ESR1: variants seen among roughly 807,000 people sequenced by gnomAD.
ESR1 encodes estrogen receptor.
Under a neutral mutation model 52.7 loss-of-function variants are expected in ESR1, and 12 were observed. The observed-to-expected ratio is 0.23, with a 90% CI of 0.15 to 0.37. ESR1 has a LOEUF of 0.37. Ranked by LOEUF, ESR1 falls within the 10% of genes least tolerant of loss-of-function variation. The pLI is 1.00. For missense variants in ESR1, 584 were observed against 779.7 expected (o/e 0.75, Z 2.99); for synonymous variants, 305 against 316.8 (o/e 0.96, Z 0.39).
intron 6 of ESR1, among the ~76,000 whole-genome samples, chr6:152,091,890 A>G (rs1182735606): frequency 1.3e-5 from 2 of 152,182 alleles, no homozygotes; most frequent in Non-Finnish European, 2.9e-5. Context: ...GGGAACAAAA[A>G]AGGAAATTGG....
intron 5 of ESR1, among the ~76,000 whole-genome samples, chr6:152,027,671 G>C (rs895582852): frequency 1.9e-4 from 29 of 152,126 alleles, no homozygotes; most frequent in African/African-American, 6.8e-4. Flanking sequence ...TCCCTCATTA[G>C]TGATTTGGAC....
rs148860050 is a variant in ESR1, at chr6:152,115,901, C to T, written c.851-9365C>T. ...CCCAATCGTCTGCACCTGGGAATCG[C>T]CTGGGGACCTTCAAGTAACTACTGA... On this transcript the variant is annotated intron_variant, in intron 6 of 6. Coordinates refer to the ESR1 transcript ENST00000427531. 3.9e-4 allele frequency among the ~76,000 whole-genome samples: 59 copies of T among 152,274 alleles called. No homozygotes were observed. The East Asian group carries it at 0.011, about 28-fold the overall frequency.
rs118093321 is a variant in ESR1 at position 151,886,066 on chromosome 6, A to G, written c.760+5295A>G. Among the ~76,000 whole-genome samples, 54 of 152,198 alleles carry G rather than the reference A, an allele frequency of 3.5e-4. No homozygotes were observed. The East Asian group carries it at 7.5e-3, about 21-fold the overall frequency. ...GGGTTTTTTTTTTCAGCTGAAAGAA[A>G]GAGAATGGCAATTTCATCACTTCTA... On this transcript the variant is annotated intron_variant, in intron 3 of 7. Transcript: ENST00000206249.
intron 2 of ESR1, among the ~76,000 whole-genome samples, chr6:151,722,954 A>G (rs1781565836): frequency 6.6e-6 from 1 of 152,198 alleles, no homozygotes; most frequent in Non-Finnish European, 1.5e-5. Flanking sequence ...ATGTATATAA[A>G]AGCAGGATAT....
intron 6 of ESR1, among the ~76,000 whole-genome samples, chr6:152,081,544 C>A (rs1284975757): frequency 6.6e-6 from 1 of 150,850 alleles, no homozygotes; most frequent in Non-Finnish European, 1.5e-5. Flanking sequence ...AAATCGACAC[C>A]CTAACATCAC....
At chr6:152,066,938 T>C (rs1244664512) in intron 6 of ESR1, among the ~76,000 whole-genome samples, 1 of 152,228 alleles carries the variant, frequency 6.6e-6, no homozygotes, top group African/African-American at 2.4e-5. Context: ...AATGACCAGT[T>C]AGTAAAGCAT....
chr6:151,664,836 A>T (rs138608916), intron 1 of ESR1, among the ~76,000 whole-genome samples: 277 of 152,330 alleles, frequency 1.8e-3, no homozygotes, highest in African/African-American at 6.4e-3. Flanking sequence ...AAGCACCTCT[A>T]AAAGAACTTG....
At chr6:151,778,942 GTT>G (rs35801479) in intron 2 of ESR1, among the ~76,000 whole-genome samples, 3 of 150,570 alleles carry the variant, frequency 2.0e-5, no homozygotes, top group African/African-American at 4.9e-5. Flanking sequence ...AAGAAAGCCT[GTT>G]TTTTTTTTCT....
intron 2 of ESR1, among the ~76,000 whole-genome samples, chr6:151,720,947 A>G (rs2128018042): frequency 6.6e-6 from 1 of 152,354 alleles, no homozygotes; most frequent in Non-Finnish European, 1.5e-5. Flanking sequence ...GTCAGACACT[A>G]TGGTAGGTGC....
At chr6:151,946,897 A>G (rs1278156778) in intron 4 of ESR1, among the ~76,000 whole-genome samples, 1 of 152,246 alleles carries the variant, frequency 6.6e-6, no homozygotes, top group East Asian at 1.9e-4. Context: ...AAAAGGATTT[A>G]TATCTTTTAT....
At position 152,102,301 on chromosome 6, in the gene ESR1, T is replaced by C; in HGVS notation, c.*3335T>C. ...CACTGGCTTAGAGTACTCCTTCCCCTGCATGACACTGATTACAAATACTTT... is the reference window on the plus strand; with the variant it reads ...CACTGGCTTAGAGTACTCCTTCCCCCGCATGACACTGATTACAAATACTTT... On this transcript the variant is annotated 3_prime_UTR_variant, in exon 8 of 8. Transcript: ENST00000206249. The C allele has an allele frequency of 9.7e-6, 2 of 206,752 alleles. No homozygotes were observed. The highest frequency in any genetic ancestry group is 2.0e-5 in the Non-Finnish European group (2 of 101,006). The allele number at this position is 206,752 out of a possible 1,614,324, so 12.8% of individuals were successfully genotyped here.
intron 2 of ESR1, among the ~76,000 whole-genome samples, chr6:151,731,097 G>A (rs1440698068): frequency 6.6e-6 from 1 of 152,130 alleles, no homozygotes; most frequent in Non-Finnish European, 1.5e-5. Flanking sequence ...GGCCATGTCT[G>A]TAATCCAGCA....
chr6:151,722,478 T>A (rs377701566), intron 2 of ESR1, among the ~76,000 whole-genome samples: 1 of 152,154 alleles, frequency 6.6e-6, no homozygotes, highest in Non-Finnish European at 1.5e-5. Flanking sequence ...GGAAAAACTG[T>A]CCAAAGCTTT....
intron 1 of ESR1, among the ~76,000 whole-genome samples, chr6:151,700,077 G>GA (rs71681730): frequency 1.9e-3 from 236 of 126,758 alleles, no homozygotes; most frequent in African/African-American, 3.1e-3. Flanking sequence ...GAGGACAAGT[G>GA]AAAAAAAAAA....
At chr6:151,897,439 T>C (rs1795714826) in intron 3 of ESR1, among the ~76,000 whole-genome samples, 1 of 152,210 alleles carries the variant, frequency 6.6e-6, no homozygotes, top group Non-Finnish European at 1.5e-5. Context: ...ATAATGCTCT[T>C]CTTTGTCTTT....
chr6:151,721,684 A>G lies in ESR1; in HGVS notation c.-71+19679A>G, dbSNP rs377463300. On this transcript the variant is annotated intron_variant, in intron 2 of 2. Coordinates refer to the ESR1 transcript ENST00000404742. ...TTCTTGGGCCTAGGCAGCATGCCCA[A>G]AGCTGGGAGAATAAGATACTGTATG... Among the ~76,000 whole-genome samples, 8 of 152,320 alleles carry G rather than the reference A, an allele frequency of 5.3e-5. No individual in the cohort carries two copies. In the East Asian group the frequency reaches 1.2e-3, roughly 22 times the overall value.
chr6:151,936,526 A>T (rs1292409961), intron 3 of ESR1, among the ~76,000 whole-genome samples: 5 of 152,250 alleles, frequency 3.3e-5, no homozygotes, highest in Admixed American at 3.3e-4. Context: ...CAGTTTGTTA[A>T]TGAGAAAAGA....
chr6:151,741,730 A>G (rs895152253), intron 2 of ESR1, among the ~76,000 whole-genome samples: 1 of 152,206 alleles, frequency 6.6e-6, no homozygotes, highest in African/African-American at 2.4e-5. Context: ...TATATAGATA[A>G]TAAAATGATT....
chr6:152,105,460 CT>C (rs1355434364), downstream of ESR1, among the ~76,000 whole-genome samples: 5 of 134,492 alleles, frequency 3.7e-5, no homozygotes, highest in Non-Finnish European at 3.2e-5. Flanking sequence ...GAGTTTTGTT[CT>C]GTCACCCAGG....
Sources: allele counts gnomAD v4.1 joint callset (sites outside exome capture counted in the v4.1 genomes callset), GRCh38; gene constraint gnomAD v4.1.1; transcripts MANE v1.5; gene names NCBI Gene and HGNC (gene_info 2026-07-23, HGNC 2026-07-21).